Variants in ELAPOR2 observed in about 807,000 individuals in gnomAD.
The protein encoded by ELAPOR2 is endosome-lysosome associated apoptosis and autophagy regulator family member 2, also known as endosome/lysosome-associated apoptosis and autophagy regulator family member 2.
A neutral mutation model predicts 120.7 loss-of-function variants in ELAPOR2; 89 were observed. The observed-to-expected ratio is 0.74, with a 90% confidence interval of 0.62 to 0.88. The LOEUF (loss-of-function observed/expected upper bound fraction) is 0.88. Ranked by LOEUF, ELAPOR2 falls within the 40% of genes least tolerant of loss-of-function variation. ELAPOR2 has a pLI of 0.00. For synonymous variants in ELAPOR2, 444 were observed against 444.9 expected (o/e 1.00, Z 0.03); for missense variants, 1,134 against 1,251.6 (o/e 0.91, Z 1.42).
intron 18 of ELAPOR2, among the ~76,000 whole-genome samples, chr7:86,905,194 G>T (rs1334617116): frequency 6.6e-6 from 1 of 150,544 alleles, no homozygotes; most frequent in African/African-American, 2.4e-5. Flanking sequence ...GAGAGAGAGA[G>T]AGAGAGAGAG....
chr7:86,892,788 TATG>T, intron 20 of ELAPOR2, 131 bp downstream of exon 20: 1 of 719,234 alleles, frequency 1.4e-6, no homozygotes, highest in Non-Finnish European at 2.0e-6. Context: ...AGGCCTTTCC[TATG>T]ATTTCTTCGC....
rs75666952 is a variant in ELAPOR2 at position 87,025,924 on chromosome 7, G to A, written c.189+33401C>T. On this transcript the variant is annotated intron_variant, in intron 1 of 21. Transcript: ENST00000450689. ...GTAGAAATAAAGGTGTATATTTCTG[G>A]CAGGCCAAAAAAGAGAAAAACCAGC... Among the ~76,000 whole-genome samples the A allele has an allele frequency of 1.3e-4, 20 of 152,038 alleles. No individual in the cohort carries two copies. In the East Asian group the frequency reaches 2.7e-3, roughly 21 times the overall value.
intron 12 of ELAPOR2, among the ~76,000 whole-genome samples, chr7:86,916,151 A>G (rs1405394864): frequency 1.3e-5 from 2 of 152,334 alleles, no homozygotes; most frequent in East Asian, 1.9e-4. Context: ...CTCAATACAA[A>G]TATCATAAGA....
intron 1 of ELAPOR2, among the ~76,000 whole-genome samples, chr7:87,006,636 GT>G (rs1195336368): frequency 6.6e-6 from 1 of 152,174 alleles, no homozygotes; most frequent in Non-Finnish European, 1.5e-5. Context: ...TGGAACAAGT[GT>G]TTGGTAGTTT....
chr7:86,999,546 G>A (rs1397412077), intron 1 of ELAPOR2, among the ~76,000 whole-genome samples: 1 of 152,110 alleles, frequency 6.6e-6, no homozygotes, highest in African/African-American at 2.4e-5. Flanking sequence ...TAGGAAATTA[G>A]GTCAATTAGC....
intron 3 of ELAPOR2, among the ~76,000 whole-genome samples, chr7:86,946,159 TCACACA>T (rs3223108): frequency 8.2e-5 from 12 of 146,390 alleles, no homozygotes; most frequent in South Asian, 2.2e-4. Context: ...ATACCATTTC[TCACACA>T]CACACACACA....
At chr7:86,897,922 G>A (rs1788520558) in intron 18 of ELAPOR2, among the ~76,000 whole-genome samples, 1 of 152,140 alleles carries the variant, frequency 6.6e-6, no homozygotes, top group Non-Finnish European at 1.5e-5. Flanking sequence ...CACCTGCTTT[G>A]AAAAGTTTAG....
In ELAPOR2 at chr7:86,877,712, G is replaced by A. The variant is rs1426958535; in HGVS notation, c.*2759C>T. On this transcript the variant is annotated 3_prime_UTR_variant, in exon 22 of 22. Coordinates refer to ENST00000450689, the MANE Select transcript of ELAPOR2 (RefSeq NM_001142749.3). ...ATCATGACCCACCTGGGGACCTGGA[G>A]ACCCCAGATGCTAAAGACTGGACCC... 1 of 152,130 alleles carries A rather than the reference G, an allele frequency of 6.6e-6. No homozygotes were observed. Among genetic ancestry groups the A allele is most frequent in the Non-Finnish European group, 1.5e-5 (1 of 68,020 alleles). 9.4% of individuals were successfully genotyped at this position (152,130 alleles called of 1,614,324 possible).
chr7:86,880,855 G>T (rs1000684827), intron 21 of ELAPOR2, among the ~76,000 whole-genome samples: 1 of 151,574 alleles, frequency 6.6e-6, no homozygotes, highest in Non-Finnish European at 1.5e-5. Context: ...TGACCTGAGT[G>T]CTGAAATCAA....
At chr7:87,031,547 T>G (rs752204243) in intron 1 of ELAPOR2, among the ~76,000 whole-genome samples, 9 of 152,124 alleles carry the variant, frequency 5.9e-5, no homozygotes, top group Non-Finnish European at 7.4e-5. Flanking sequence ...AATGGTTAGC[T>G]CCAAAAATCA....
At chr7:87,033,420 G>C (rs1234410520) in intron 1 of ELAPOR2, among the ~76,000 whole-genome samples, 1 of 152,112 alleles carries the variant, frequency 6.6e-6, no homozygotes, top group South Asian at 2.1e-4. Context: ...AAAAACCAGT[G>C]GCTTTTCAAC....
chr7:87,032,421 TG>T (rs1484991900), intron 1 of ELAPOR2, among the ~76,000 whole-genome samples: 1 of 152,310 alleles, frequency 6.6e-6, no homozygotes, highest in African/African-American at 2.4e-5. Context: ...AACAAAAAGA[TG>T]TAAAATGACA....
intron 1 of ELAPOR2, among the ~76,000 whole-genome samples, chr7:87,050,891 A>G (rs1795080354): frequency 6.6e-6 from 1 of 152,224 alleles, no homozygotes. Context: ...TGGAGATTGC[A>G]GAGTTCTAGA....
At chr7:87,024,182 A>G (rs1794162920) in intron 1 of ELAPOR2, among the ~76,000 whole-genome samples, 1 of 152,138 alleles carries the variant, frequency 6.6e-6, no homozygotes, top group South Asian at 2.1e-4. Flanking sequence ...CCCATTCAGT[A>G]TGATATTGGC....
intron 3 of ELAPOR2, among the ~76,000 whole-genome samples, chr7:86,946,114 T>C: frequency 6.6e-6 from 1 of 151,252 alleles, no homozygotes; most frequent in Non-Finnish European, 1.5e-5. Context: ...TTTGACATTA[T>C]TATCCAGCAG....
chr7:87,009,535 A>G (rs888756473), intron 1 of ELAPOR2, among the ~76,000 whole-genome samples: 9 of 152,216 alleles, frequency 5.9e-5, no homozygotes, highest in Non-Finnish European at 1.2e-4. Context: ...TAAATTTAAT[A>G]TAGTCAGTGG....
At chr7:86,933,744 T>C (rs1790439183) in intron 8 of ELAPOR2, among the ~76,000 whole-genome samples, 1 of 152,014 alleles carries the variant, frequency 6.6e-6, no homozygotes, top group South Asian at 2.1e-4. Context: ...AATAGAGAAA[T>C]TGATTTTTGA....
At position 86,891,864 on chromosome 7, in the gene ELAPOR2, C is replaced by T. The variant is rs768816046; in HGVS notation, c.2890G>A (p.Val964Ile). The change falls in exon 21 of 22, where the codon GTA becomes ATA. Residue 964 changes from valine to isoleucine, a missense_variant. This residue lies in a region of ELAPOR2 where 831 missense variants were observed against 867.6 expected (regional missense o/e 0.96). Transcript: ENST00000450689. ...QKLEYKYSKLVMTTNSKECEL... is the reference protein window; with the variant it reads ...QKLEYKYSKLIMTTNSKECEL... ...CACTCTTTTGAGTTAGTCGTCATTA[C>T]TAACTTGGAATATTTGTATTCCAGT... 1 of 1,607,176 alleles carries T rather than the reference C, an allele frequency of 6.2e-7. No individual in the cohort carries two copies. Among genetic ancestry groups the T allele is most frequent in the East Asian group, 2.2e-5 (1 of 44,608 alleles).
At chr7:86,919,349 C>A in intron 10 of ELAPOR2, 39 bp from the exon 11 acceptor site, 1 of 1,201,580 alleles carries the variant, frequency 8.3e-7, no homozygotes, top group Non-Finnish European at 1.2e-6. Context: ...ATAAAAATTC[C>A]ATTAATGATC....
Sources: gnomAD v4.1 joint callset for allele counts (sites outside exome capture counted in the v4.1 genomes callset) on GRCh38, gnomAD v4.1.1 for gene constraint, gnomAD v4.1.1 regional missense constraint, MANE v1.5 for transcripts, NCBI Gene and HGNC (gene_info 2026-07-23, HGNC 2026-07-21) for gene names.